Variants in ZNF225 observed in about 807,000 individuals in gnomAD.
ZNF225 encodes zinc finger protein 225.
A neutral mutation model predicts 12.0 loss-of-function variants in ZNF225; 6 were observed. The observed-to-expected ratio is 0.50, with a 90% CI of 0.27 to 0.98. The LOEUF is 0.98. ZNF225 is among the 50% of genes least tolerant of loss of function. The probability of loss-of-function intolerance (pLI) is 0.11; values close to 1 mark genes in which losing one functional copy is unlikely to be tolerated. For missense variants in ZNF225, 763 were observed against 848.2 expected (o/e 0.90, Z 1.25); for synonymous variants, 271 against 283.2 (o/e 0.96, Z 0.43).
At chr19:44,114,817 G>A (rs1451372990) in intron 1 of ZNF225, among the ~76,000 whole-genome samples, 1 of 152,122 alleles carries the variant, frequency 6.6e-6, no homozygotes, top group South Asian at 2.1e-4. Context: ...GCCTGAAGTG[G>A]TAAATTTCTT....
At chr19:44,121,089 G>A (rs1262552112) in intron 4 of ZNF225, among the ~76,000 whole-genome samples, 3 of 151,958 alleles carry the variant, frequency 2.0e-5, no homozygotes, top group Non-Finnish European at 4.4e-5. Flanking sequence ...TAGTAGATAC[G>A]GGTTTTACCG....
intron 4 of ZNF225, among the ~76,000 whole-genome samples, chr19:44,123,418 A>G (rs1968089568): frequency 6.6e-6 from 1 of 152,184 alleles, no homozygotes; most frequent in Non-Finnish European, 1.5e-5. Flanking sequence ...GGATTTTAGC[A>G]TCAATGTTCA....
intron 4 of ZNF225, 77 bp downstream of exon 4, chr19:44,118,651 T>A: frequency 7.0e-7 from 1 of 1,426,540 alleles, no homozygotes; most frequent in South Asian, 1.2e-5. Flanking sequence ...CCAGCTCTGT[T>A]GTCCTGGTCT....
chr19:44,112,715 A>G (rs1967855972), upstream of ZNF225: 2 of 152,254 alleles, frequency 1.3e-5, no homozygotes, highest in African/African-American at 2.4e-5. Flanking sequence ...TATTTGACCA[A>G]TTCACAAAGA....
Position 44,132,075 on chromosome 19 carries a change from A to G in ZNF225, c.1461A>G (p.Glu487=), listed in dbSNP as rs1470013601. The change falls in exon 5 of 5, where the codon GAA becomes GAG. Residue 487 remains glutamate (E), a synonymous_variant. Coordinates refer to ENST00000262894, the MANE Select transcript of ZNF225 (RefSeq NM_013362.4). ...IHSGEKPFKC[E]ECGKRFTQNS... is the part of the protein sequence containing the mutation. ...GTGGAGAAAAACCATTTAAATGTGA[A>G]GAATGTGGGAAAAGATTTACTCAGA... The G allele has an allele frequency of 4.3e-6, 7 of 1,613,928 alleles. No individual in the cohort carries two copies. The highest frequency in any genetic ancestry group is 5.1e-6 in the Non-Finnish European group (6 of 1,180,004).
Position 44,130,865 on chromosome 19 carries a change from T to C in ZNF225, c.251T>C (p.Met84Thr), listed in dbSNP as rs1968233891. The stretch of plus-strand genomic sequence containing the variant: ...GTCATTATAGGAGGCAAGATCCAAA[T>C]GGAGATGGAGACTGTTTCAGAATCA... The part of the protein sequence containing the change: ...REGNLGGKIQ[M>T]EMETVSESGT... Residue 84 changes from methionine (M) to threonine (T), a missense_variant, in exon 5 of 5, where the codon ATG (methionine) becomes ACG (threonine). Met to Thr is a moderately conservative substitution (Grantham distance 81). Transcript: ENST00000262894. The C allele has an allele frequency of 6.2e-7, 1 of 1,610,990 alleles. No individual in the cohort carries two copies. The highest frequency in any genetic ancestry group is 1.3e-5 in the African/African-American group (1 of 74,788).
chr19:44,124,446 T>C (rs773708686), intron 4 of ZNF225, among the ~76,000 whole-genome samples: 10 of 152,324 alleles, frequency 6.6e-5, no homozygotes, highest in Non-Finnish European at 1.3e-4. Context: ...ATGGTCTCTC[T>C]TGGAGAAAGT....
At position 44,131,118 on chromosome 19, in the gene ZNF225, A is replaced by G; in HGVS notation, c.504A>G (p.Gln168=). 6.2e-7 allele frequency: 1 copy of G among 1,614,224 alleles called. No homozygotes were observed. Among genetic ancestry groups the G allele is most frequent in the Non-Finnish European group, 8.5e-7 (1 of 1,180,024 alleles). ...SDVSVLDLHQ[Q]LQSREKSHTC... ...TCTCCGTCCTTGATCTTCATCAACA[A>G]CTACAGTCAAGAGAGAAGTCTCATA... The change falls in exon 5 of 5, where the codon CAA becomes CAG. Residue 168 remains glutamine (Q), a synonymous_variant. Coordinates refer to ENST00000262894, the MANE Select transcript of ZNF225 (RefSeq NM_013362.4).
intron 3 of ZNF225, 78 bp downstream of exon 3, chr19:44,118,392 T>C: frequency 2.5e-6 from 4 of 1,610,604 alleles, no homozygotes; most frequent in South Asian, 2.2e-5. Flanking sequence ...AGTTTGAGTA[T>C]GCATTGGGAA....
chr19:44,124,346 T>G (rs1968107109), intron 4 of ZNF225, among the ~76,000 whole-genome samples: 1 of 152,222 alleles, frequency 6.6e-6, no homozygotes, highest in Admixed American at 6.5e-5. Flanking sequence ...TGGAGTTGAT[T>G]TCCAGTTTTA....
At position 44,132,161 on chromosome 19, in the gene ZNF225, A is replaced by G. The variant is rs577860784; in HGVS notation, c.1547A>G (p.Glu516Gly). Residue 516 changes from glutamate (E) to glycine (G), a missense_variant, in exon 5 of 5, where the codon GAG becomes GGG. Glu to Gly is a moderately conservative substitution (Grantham distance 98, BLOSUM62 -2). Coordinates refer to ENST00000262894, the MANE Select transcript of ZNF225 (RefSeq NM_013362.4). ...HSGEKPFKCE[E>G]CGKRFTQNSQ... ...GGAGAAAAACCATTCAAATGTGAAGAGTGTGGGAAAAGATTTACTCAGAAT... is the reference window on the plus strand; with the variant it reads ...GGAGAAAAACCATTCAAATGTGAAGGGTGTGGGAAAAGATTTACTCAGAAT... 6.2e-7 allele frequency: 1 copy of G among 1,614,134 alleles called. No individual in the cohort carries two copies. Among genetic ancestry groups the G allele is most frequent in the Non-Finnish European group, 8.5e-7 (1 of 1,179,996 alleles).
intron 4 of ZNF225, chr19:44,129,083 TC>T: frequency 8.1e-7 from 1 of 1,231,662 alleles, no homozygotes; most frequent in Non-Finnish European, 1.0e-6. Flanking sequence ...AGGTTTCTGA[TC>T]CTTTTCTATT....
intron 4 of ZNF225, among the ~76,000 whole-genome samples, chr19:44,124,997 T>G (rs1968120894): frequency 6.6e-6 from 1 of 152,220 alleles, no homozygotes. Flanking sequence ...AGTGGAGCAT[T>G]TAGGCCATTT....
At chr19:44,116,317 A>G (rs1967940857) in intron 2 of ZNF225, among the ~76,000 whole-genome samples, 1 of 152,168 alleles carries the variant, frequency 6.6e-6, no homozygotes, top group Non-Finnish European at 1.5e-5. Flanking sequence ...TTAAGCAGTT[A>G]TAGCCTGTTG....
At chr19:44,129,800 G>A (rs10406335) in intron 4 of ZNF225, 117,771 of 152,064 alleles carry the variant, frequency 0.77, 46,727 homozygotes, top group Non-Finnish European at 0.88. Flanking sequence ...CACTCTCCTA[G>A]GGCATGACAT....
chr19:44,127,108 C>T (rs562403359), intron 4 of ZNF225, among the ~76,000 whole-genome samples: 11 of 152,244 alleles, frequency 7.2e-5, no homozygotes, highest in Non-Finnish European at 1.5e-4. Flanking sequence ...CTTCTTTCTC[C>T]TTGTGGAGTT....
At chr19:44,114,867 C>T (rs1231494122) in intron 1 of ZNF225, among the ~76,000 whole-genome samples, 1 of 152,180 alleles carries the variant, frequency 6.6e-6, no homozygotes, top group African/African-American at 2.4e-5. Flanking sequence ...TTTGTCACTT[C>T]ATTGGTGATC....
In ZNF225 at chr19:44,130,903, G is replaced by A. The variant is rs1389225337; in HGVS notation, c.289G>A (p.Gly97Ser). The change falls in exon 5 of 5, where the codon GGC becomes AGC. Residue 97 changes from glycine (G) to serine (S), a missense_variant. Coordinates refer to ENST00000262894, the MANE Select transcript of ZNF225 (RefSeq NM_013362.4). ...ETVSESGTHE[G>S]LFSHQTWEQI... ...TGTTTCAGAATCAGGAACACATGAA[G>A]GCTTGTTCAGTCATCAAACCTGGGA... The A allele has an allele frequency of 6.2e-7, 1 of 1,613,862 alleles. No individual in the cohort carries two copies. The highest frequency in any genetic ancestry group is 8.5e-7 in the Non-Finnish European group (1 of 1,179,996).
intron 4 of ZNF225, among the ~76,000 whole-genome samples, chr19:44,119,580 CCTCT>C: frequency 6.6e-6 from 1 of 152,298 alleles, no homozygotes; most frequent in Admixed American, 6.5e-5. Flanking sequence ...TCTTCTTATG[CCTCT>C]CTCTCCTGCC....
Sources: allele counts gnomAD v4.1 joint callset (sites outside exome capture counted in the v4.1 genomes callset), GRCh38; gene constraint gnomAD v4.1.1; transcripts MANE v1.5; gene names NCBI Gene and HGNC (gene_info 2026-07-23, HGNC 2026-07-21).